Variants in NPHP4 observed in about 807,000 individuals in gnomAD.
The protein encoded by NPHP4 is nephrocystin 4, also known as nephrocystin-4.
A neutral mutation model predicts 155.8 loss-of-function variants in NPHP4; 151 were observed. That is an observed-to-expected ratio of 0.97 (90% CI 0.85 to 1.11). NPHP4 has a LOEUF of 1.11. Among genes scored for constraint, NPHP4 ranks in the 50% least tolerant of loss-of-function variants. The pLI is 0.00. For synonymous variants in NPHP4, 845 were observed against 816.8 expected, an observed-to-expected ratio of 1.03 and a Z score of -0.59; for missense variants, 1,956 against 1,925.7, an observed-to-expected ratio of 1.02 and a Z score of -0.29.
chr1:5,882,028 C>T lies in NPHP4; in HGVS notation c.2486-1789G>A, dbSNP rs1287298263. 1 of 152,262 alleles carries T rather than the reference C, an allele frequency of 6.6e-6. No homozygotes were observed. Among genetic ancestry groups the T allele is most frequent in the Non-Finnish European group, 1.5e-5 (1 of 68,084 alleles). The allele number at this position is 152,262 out of a possible 1,614,324, so 9.4% of individuals were successfully genotyped here. A position where few individuals can be genotyped will look rare whatever the true frequency, so the allele number is the denominator to read the frequency against. ...ACTCTGGGCAGCTGTAGGGTCAAGC[C>T]GCCTGCTCACCTGTGCTGAGAATTC... On this transcript the variant is annotated intron_variant, in intron 18 of 29. Transcript: ENST00000378156. The surrounding 1 kb of genome is among the most constrained non-coding windows in gnomAD (Gnocchi z 5.1).
At chr1:5,949,317 A>C (rs1238797812) in intron 7 of NPHP4, among the ~76,000 whole-genome samples, 2 of 105,434 alleles carry the variant, frequency 1.9e-5, no homozygotes, top group Non-Finnish European at 4.3e-5. Flanking sequence ...GGTAGGGAGC[A>C]AACAAGTCCA....
intron 23 of NPHP4, among the ~76,000 whole-genome samples, chr1:5,870,127 C>A (rs192102502): frequency 7.9e-5 from 12 of 152,274 alleles, no homozygotes; most frequent in Admixed American, 7.2e-4. Context: ...TTCTAAATAT[C>A]ATTCTCCAAC....
At chr1:5,941,806 C>A (rs1646830566) in intron 9 of NPHP4, among the ~76,000 whole-genome samples, 1 of 152,218 alleles carries the variant, frequency 6.6e-6, no homozygotes, top group South Asian at 2.1e-4. Context: ...AGTCCAGACC[C>A]ATGTGCGCTT....
At chr1:5,874,338 G>A (rs1642325091) in intron 22 of NPHP4, 133 bp downstream of exon 22, 1 of 842,052 alleles carries the variant, frequency 1.2e-6, no homozygotes, top group Non-Finnish European at 1.8e-6. Flanking sequence ...GAGCACCAAG[G>A]GGAGTGGGCG....
At chr1:5,880,897 G>T (rs990637754) in intron 18 of NPHP4, 8 of 152,774 alleles carry the variant, frequency 5.2e-5, no homozygotes, top group African/African-American at 1.9e-4. Context: ...ACTTCCCCAA[G>T]GGGCGAGGCA....
chr1:5,923,319 G>C (rs1315460737), intron 11 of NPHP4, among the ~76,000 whole-genome samples: 1 of 152,354 alleles, frequency 6.6e-6, no homozygotes, highest in East Asian at 1.9e-4. Context: ...ATGTAGAACA[G>C]TGGTTTTCAA....
chr1:5,866,124 G>C (rs984390214), intron 26 of NPHP4: 17 of 547,248 alleles, frequency 3.1e-5, no homozygotes, highest in African/African-American at 2.5e-4. Context: ...GAGGCTGACT[G>C]GTGTCTCTCC....
chr1:5,881,517 G>A (rs201875271), intron 18 of NPHP4: 5 of 152,250 alleles, frequency 3.3e-5, no homozygotes, highest in Admixed American at 6.5e-5. Flanking sequence ...CGCAGCTGGC[G>A]ACACCAAAGA....
intron 18 of NPHP4, among the ~76,000 whole-genome samples, chr1:5,884,482 GC>G (rs970878469): frequency 7.3e-5 from 8 of 110,268 alleles, no homozygotes; most frequent in African/African-American, 2.8e-4. Context: ...TCCCAGCCGA[GC>G]CCCCGTCCTA....
In NPHP4 at chr1:5,958,482, G is replaced by A. The variant is rs1460193017; in HGVS notation, c.673+3312C>T. Among the ~76,000 whole-genome samples, 3 of 152,150 alleles carry A rather than the reference G, an allele frequency of 2.0e-5. No homozygotes were observed. In the East Asian group the frequency reaches 5.8e-4, roughly 29 times the overall value. ...GGCCGAGGTAGGTGGATCACCTGAG[G>A]TCAGGAGTTCGAGACCTGCCTGGCC... is the stretch of plus-strand genomic sequence containing the variant. On this transcript the variant is annotated intron_variant, in intron 6 of 29. Coordinates refer to ENST00000378156, the MANE Select transcript of NPHP4 (RefSeq NM_015102.5).
At chr1:5,897,225 G>C (rs890951574) in intron 16 of NPHP4, among the ~76,000 whole-genome samples, 1 of 152,120 alleles carries the variant, frequency 6.6e-6, no homozygotes, top group Admixed American at 6.5e-5. Flanking sequence ...AATAACTGAC[G>C]CAAGCAAAGC....
At chr1:5,899,198 G>A (rs1039058921) in intron 16 of NPHP4, among the ~76,000 whole-genome samples, 5 of 152,058 alleles carry the variant, frequency 3.3e-5, no homozygotes, top group Non-Finnish European at 7.4e-5. Flanking sequence ...CTAACACAAC[G>A]GCCGTGCGCA....
chr1:5,927,825 T>C (rs1388387090), intron 10 of NPHP4, 38 bp from the exon 11 acceptor site: 1 of 1,576,568 alleles, frequency 6.3e-7, no homozygotes, highest in Non-Finnish European at 8.7e-7. Context: ...GCCACTCCCT[T>C]CATCAGCACG....
rs1411110746 is a variant in NPHP4, at chr1:5,892,204, A to G, written c.2144-1176T>C. On this transcript the variant is annotated intron_variant, in intron 16 of 29. Coordinates refer to ENST00000378156, the MANE Select transcript of NPHP4 (RefSeq NM_015102.5). This position sits in a 1 kb window ranked among gnomAD's most constrained non-coding sequence, Gnocchi z 4.5. ...ACTGTGGCATCTAGTGAGAGCTCCC[A>G]GCATGAGCGACGCAGAAGATGGGTG... is the stretch of plus-strand genomic sequence containing the variant. Among the ~76,000 whole-genome samples the G allele has an allele frequency of 2.6e-5, 4 of 152,214 alleles. No homozygotes were observed. Among genetic ancestry groups the G allele is most frequent in the African/African-American group, 9.6e-5 (4 of 41,460 alleles).
chr1:5,992,134 C>T (rs1656480569), intron 1 of NPHP4, 110 bp downstream of exon 1: 1 of 152,276 alleles, frequency 6.6e-6, no homozygotes, highest in South Asian at 2.1e-4. Flanking sequence ...CACCCTACCC[C>T]CGAACCCCGA....
intron 23 of NPHP4, among the ~76,000 whole-genome samples, chr1:5,869,322 TAC>T (rs1049755374): frequency 1.2e-4 from 17 of 137,108 alleles, no homozygotes; most frequent in South Asian, 4.9e-4. Context: ...TGGATGCACA[TAC>T]ACACACACCA....
intron 5 of NPHP4, among the ~76,000 whole-genome samples, chr1:5,964,474 T>C (rs1334492092): frequency 6.6e-6 from 1 of 152,140 alleles, no homozygotes; most frequent in African/African-American, 2.4e-5. Context: ...AGCATATCAT[T>C]ATAATGCTAA....
chr1:5,907,029 G>C, intron 13 of NPHP4, 86 bp downstream of exon 13: 1 of 696,248 alleles, frequency 1.4e-6, no homozygotes, highest in Non-Finnish European at 2.3e-6. Context: ...ACCTAACTAA[G>C]GACAGGCACA....
At chr1:5,908,827 G>A (rs956179856) in intron 12 of NPHP4, among the ~76,000 whole-genome samples, 15 of 152,194 alleles carry the variant, frequency 9.9e-5, no homozygotes, top group African/African-American at 3.4e-4. Context: ...ACCACACCTC[G>A]ATGTCTCTCA....
Sources: allele counts gnomAD v4.1 joint callset (sites outside exome capture counted in the v4.1 genomes callset), GRCh38; gene constraint gnomAD v4.1.1; non-coding constraint Gnocchi (gnomAD v3.1); transcripts MANE v1.5; gene names NCBI Gene and HGNC (gene_info 2026-07-23, HGNC 2026-07-21).